The following TEX9 variants were observed in gnomAD, a reference collection of about 807,000 sequenced individuals.
TEX9 encodes the protein testis expressed 9.
In TEX9, 74 loss-of-function variants were observed where a neutral mutation model predicts 59.6. That is an observed-to-expected ratio of 1.24 (90% CI 1.03 to 1.51). TEX9 has a LOEUF of 1.51. TEX9 is among the 40% of genes most tolerant of loss of function. The probability of loss-of-function intolerance (pLI) is 0.00; values close to 1 mark genes in which losing one functional copy is unlikely to be tolerated. For synonymous variants in TEX9, 186 were observed against 152.2 expected (o/e 1.22, Z -1.64); for missense variants, 522 against 447.8 (o/e 1.17, Z -1.49).
chr15:56,333,115 T>C (rs2046188335), intron 1 of TEX9, among the ~76,000 whole-genome samples: 1 of 152,118 alleles, frequency 6.6e-6, no homozygotes, highest in Admixed American at 6.6e-5. Context: ...ATAACAATCA[T>C]ACTCCAACTA....
chr15:56,389,246 T>G, intron 5 of TEX9, 72 bp from the exon 6 acceptor site: 4 of 1,161,810 alleles, frequency 3.4e-6, no homozygotes, highest in Non-Finnish European at 5.1e-6. Context: ...AAATTCTATG[T>G]GTTACAGAAT....
At chr15:56,281,598 T>A (rs1445118831) in intron 1 of TEX9, among the ~76,000 whole-genome samples, 1 of 152,148 alleles carries the variant, frequency 6.6e-6, no homozygotes, top group Admixed American at 6.5e-5. Flanking sequence ...ATGGCAATGG[T>A]CCCTGGTGCC....
chr15:56,277,056 T>C (rs1296594601), intron 1 of TEX9, among the ~76,000 whole-genome samples: 3 of 152,162 alleles, frequency 2.0e-5, no homozygotes, highest in Non-Finnish European at 1.5e-5. Flanking sequence ...TCGTTGTAGA[T>C]TCTGGATATT....
chr15:56,249,760 A>AAG (rs1287279780), intron 1 of TEX9, among the ~76,000 whole-genome samples: 1 of 150,928 alleles, frequency 6.6e-6, no homozygotes, highest in African/African-American at 2.4e-5. Context: ...AAAAAAAAAA[A>AAG]AAAAAAAAGA....
intron 1 of TEX9, among the ~76,000 whole-genome samples, chr15:56,359,851 A>G (rs1170963781): frequency 1.3e-5 from 2 of 152,130 alleles, no homozygotes; most frequent in East Asian, 1.9e-4. Context: ...AAAGCATCCA[A>G]TTTCATTAAG....
intron 3 of TEX9, among the ~76,000 whole-genome samples, chr15:56,380,908 G>A (rs2047695159): frequency 6.6e-6 from 1 of 151,936 alleles, no homozygotes; most frequent in Non-Finnish European, 1.5e-5. Flanking sequence ...GTCTTTTTTG[G>A]GTTAAATCTG....
At chr15:56,247,086 A>G (rs1216189458) in intron 1 of TEX9, among the ~76,000 whole-genome samples, 1 of 152,206 alleles carries the variant, frequency 6.6e-6, no homozygotes, top group Non-Finnish European at 1.5e-5. Flanking sequence ...GGAATTTAGT[A>G]GTTAACTAAC....
intron 12 of TEX9, among the ~76,000 whole-genome samples, chr15:56,443,214 T>C (rs564534824): frequency 6.6e-6 from 1 of 152,318 alleles, no homozygotes; most frequent in East Asian, 1.9e-4. Context: ...ACAGACAACA[T>C]AGTTGCATCA....
At chr15:56,409,920 T>G (rs2018693279) in intron 9 of TEX9, 1 of 152,218 alleles carries the variant, frequency 6.6e-6, no homozygotes. Flanking sequence ...TTCTTGATAG[T>G]CCTTAACACT....
chr15:56,368,443 A>G (rs535331643), intron 2 of TEX9, among the ~76,000 whole-genome samples: 1 of 152,252 alleles, frequency 6.6e-6, no homozygotes, highest in African/African-American at 2.4e-5. Context: ...GTATGAAAGA[A>G]GCCGAATAGT....
chr15:56,346,441 C>A (rs766742004), intron 1 of TEX9, among the ~76,000 whole-genome samples: 2 of 152,112 alleles, frequency 1.3e-5, no homozygotes, highest in Non-Finnish European at 2.9e-5. Flanking sequence ...CTATCCTTCT[C>A]CAAATCTTTT....
chr15:56,429,261 GAC>G (rs1304140293), intron 12 of TEX9: 13 of 995,706 alleles, frequency 1.3e-5, no homozygotes, highest in Non-Finnish European at 1.8e-5. Flanking sequence ...TTTTAAGACT[GAC>G]AGACATAAGA....
chr15:56,372,329 T>A (rs781321957), intron 2 of TEX9, among the ~76,000 whole-genome samples: 3 of 152,038 alleles, frequency 2.0e-5, no homozygotes, highest in Admixed American at 6.6e-5. Context: ...CCTTTTTTTT[T>A]CCCTGGGGGT....
chr15:56,277,248 C>T (rs770854858), intron 1 of TEX9, among the ~76,000 whole-genome samples: 1 of 152,024 alleles, frequency 6.6e-6, no homozygotes, highest in Non-Finnish European at 1.5e-5. Context: ...AGTCTTTGTC[C>T]GTGCCTATGT....
At chr15:56,423,718 A>G (rs1348871533) in intron 10 of TEX9, among the ~76,000 whole-genome samples, 1 of 151,988 alleles carries the variant, frequency 6.6e-6, no homozygotes, top group Non-Finnish European at 1.5e-5. Context: ...CTAGGCAACC[A>G]CTAATCTACT....
At chr15:56,439,980 C>A (rs1453661892) in intron 12 of TEX9, among the ~76,000 whole-genome samples, 2 of 151,976 alleles carry the variant, frequency 1.3e-5, no homozygotes. Flanking sequence ...GATAAAGCTA[C>A]AGACTAGAAG....
At chr15:56,315,004 T>C (rs1382371405) in intron 1 of TEX9, among the ~76,000 whole-genome samples, 1 of 151,220 alleles carries the variant, frequency 6.6e-6, no homozygotes, top group Admixed American at 6.6e-5. Context: ...ATTTGCTTGG[T>C]AGATCTTCCT....
intron 1 of TEX9, among the ~76,000 whole-genome samples, chr15:56,330,677 A>G (rs1435082750): frequency 2.6e-5 from 4 of 152,068 alleles, no homozygotes; most frequent in Non-Finnish European, 4.4e-5. Context: ...CAACAGATAC[A>G]CAGAAAATAA....
At chr15:56,380,450 A>G (rs1300888032) in intron 3 of TEX9, among the ~76,000 whole-genome samples, 1 of 152,042 alleles carries the variant, frequency 6.6e-6, no homozygotes, top group African/African-American at 2.4e-5. Flanking sequence ...AGTAGTTTAC[A>G]CTCAATTACA....
Sources: allele counts gnomAD v4.1 joint callset (sites outside exome capture counted in the v4.1 genomes callset), GRCh38; gene constraint gnomAD v4.1.1; transcripts MANE v1.5; gene names NCBI Gene and HGNC (gene_info 2026-07-23, HGNC 2026-07-21).